Variants in CNTNAP2 observed in about 807,000 individuals in gnomAD.
CNTNAP2 encodes contactin associated protein 2, also known as contactin-associated protein-like 2.
CNTNAP2 carries 98 observed loss-of-function variants against 155.2 expected under a neutral mutation model. The observed-to-expected ratio is 0.63, with a 90% CI of 0.54 to 0.75. The LOEUF is 0.75. Among genes scored for constraint, CNTNAP2 ranks in the 30% least tolerant of loss-of-function variants. The pLI is 0.00. For missense variants in CNTNAP2, 1,727 were observed against 1,688.1 expected, an observed-to-expected ratio of 1.02 and a Z score of -0.40; for synonymous variants, 651 against 631.2, an observed-to-expected ratio of 1.03 and a Z score of -0.47.
At chr7:148,119,245 C>A (rs746622125) in intron 16 of CNTNAP2, among the ~76,000 whole-genome samples, 9 of 152,056 alleles carry the variant, frequency 5.9e-5, no homozygotes, top group Non-Finnish European at 1.2e-4. Flanking sequence ...CCCTTCCGGC[C>A]AGGCACGGTG....
chr7:146,993,495 A>G (rs540980225), intron 3 of CNTNAP2, among the ~76,000 whole-genome samples: 9 of 151,886 alleles, frequency 5.9e-5, no homozygotes, highest in African/African-American at 1.4e-4. Flanking sequence ...TTTTTTTTCT[A>G]TCTATTGGGA....
chr7:147,223,153 C>T (rs535392076), intron 8 of CNTNAP2, among the ~76,000 whole-genome samples: 2 of 152,168 alleles, frequency 1.3e-5, no homozygotes. Flanking sequence ...CTCTCAGACT[C>T]CTTCATACTT....
Position 148,416,305 on chromosome 7 carries a change from A to C in CNTNAP2, c.*689A>C, listed in dbSNP as rs1799988678. Reference sequence around the variant, plus strand: ...CACAACTGGAGAGAGGCATTAAAGAACCAGGGAAGGTAGTTTGATTTTTCA... The same window carrying C: ...CACAACTGGAGAGAGGCATTAAAGACCCAGGGAAGGTAGTTTGATTTTTCA... On this transcript the variant is annotated 3_prime_UTR_variant, in exon 24 of 24. Coordinates refer to ENST00000361727, the MANE Select transcript of CNTNAP2 (RefSeq NM_014141.6). The C allele has an allele frequency of 6.6e-6, 1 of 152,358 alleles. No homozygotes were observed. The highest frequency in any genetic ancestry group is 1.5e-5 in the Non-Finnish European group (1 of 68,176). The allele number at this position is 152,358 out of a possible 1,614,324, so 9.4% of individuals were successfully genotyped here.
intron 21 of CNTNAP2, among the ~76,000 whole-genome samples, chr7:148,381,211 C>T (rs574530781): frequency 4.6e-5 from 7 of 152,348 alleles, no homozygotes; most frequent in East Asian, 1.9e-4. Context: ...TGTCCCCAGA[C>T]AGCCTAAGTA....
intron 3 of CNTNAP2, among the ~76,000 whole-genome samples, chr7:146,949,510 C>A (rs1306092741): frequency 6.6e-6 from 1 of 152,106 alleles, no homozygotes; most frequent in Non-Finnish European, 1.5e-5. Context: ...GTCTTTTTTC[C>A]ATCACCATCC....
At chr7:147,392,313 C>CTTT (rs5888251) in intron 9 of CNTNAP2, among the ~76,000 whole-genome samples, 71 of 145,560 alleles carry the variant, frequency 4.9e-4, no homozygotes, top group Admixed American at 1.0e-3. Flanking sequence ...GTATCAAATT[C>CTTT]TTTTTTTTTT....
rs535691033 is a variant in CNTNAP2 at position 146,744,017 on chromosome 7, A to G, written c.98-30254A>G. Among the ~76,000 whole-genome samples, 18 of 152,188 alleles carry G rather than the reference A, an allele frequency of 1.2e-4. No individual in the cohort carries two copies. In the East Asian group the frequency reaches 2.7e-3, roughly 23 times the overall value. The stretch of plus-strand genomic sequence containing the variant: ...TGAAGCGGGCAGATCACTTGAGGTA[A>G]GGAGTTTGAGACCAGCCTTGCCAAC... On this transcript the variant is annotated intron_variant, in intron 1 of 23. Coordinates refer to ENST00000361727, the MANE Select transcript of CNTNAP2 (RefSeq NM_014141.6).
intron 10 of CNTNAP2, among the ~76,000 whole-genome samples, chr7:147,408,017 T>G (rs1203109689): frequency 6.6e-6 from 1 of 152,270 alleles, no homozygotes; most frequent in Non-Finnish European, 1.5e-5. Context: ...TGAAAAGATC[T>G]ATTTTTCATT....
intron 4 of CNTNAP2, among the ~76,000 whole-genome samples, chr7:147,083,563 T>TACATATATATATATGTATATATATATAC (rs1800188779): frequency 7.3e-6 from 1 of 136,176 alleles, no homozygotes; most frequent in African/African-American, 3.1e-5. Context: ...TATATATATA[T>TACATATATATATATGTATATATATATAC]ACACATATAT....
rs537377581 is a variant in CNTNAP2 at position 148,003,770 on chromosome 7, C to G, written c.2383+25781C>G. Reference sequence around the variant, plus strand: ...TTTATCCTCTTGTTTGATTAGTTTCCTTAGAAATAAATTTCATTCTTAGGG... The same window carrying G: ...TTTATCCTCTTGTTTGATTAGTTTCGTTAGAAATAAATTTCATTCTTAGGG... On this transcript the variant is annotated intron_variant, in intron 15 of 23. Transcript: ENST00000361727. 2.4e-4 allele frequency among the ~76,000 whole-genome samples: 37 copies of G among 152,246 alleles called. No individual in the cohort carries two copies. In the South Asian group the frequency reaches 7.7e-3, roughly 32 times the overall value.
At chr7:146,894,444 T>C (rs1795837340) in intron 3 of CNTNAP2, among the ~76,000 whole-genome samples, 1 of 152,172 alleles carries the variant, frequency 6.6e-6, no homozygotes, top group South Asian at 2.1e-4. Flanking sequence ...TGTTGTTGTT[T>C]TGTTTTTCTT....
In CNTNAP2 at chr7:148,409,387, A is replaced by G. The variant is rs772029165; in HGVS notation, c.3716-4A>G. 2 of 1,554,874 alleles carry G rather than the reference A, an allele frequency of 1.3e-6. No homozygotes were observed. Among genetic ancestry groups the G allele is most frequent in the East Asian group, 2.3e-5 (1 of 43,822 alleles). The stretch of plus-strand genomic sequence containing the variant: ...CTGACACTTGACTCTTTCTTTCTCT[A>G]CAGCCAGTGCGGATTTTCCATATAA... On this transcript the variant is annotated splice_polypyrimidine_tract_variant and splice_region_variant and intron_variant, in intron 22 of 23. Transcript: ENST00000361727.
intron 8 of CNTNAP2, among the ~76,000 whole-genome samples, chr7:147,272,538 G>T (rs933736498): frequency 1.3e-5 from 2 of 151,834 alleles, no homozygotes; most frequent in African/African-American, 2.4e-5. Context: ...CGGCTCTGTC[G>T]CCCAGGCTGG....
At chr7:148,244,983 C>T (rs1796228584) in intron 20 of CNTNAP2, among the ~76,000 whole-genome samples, 1 of 151,774 alleles carries the variant, frequency 6.6e-6, no homozygotes, top group African/African-American at 2.4e-5. Flanking sequence ...AAAATAAAAC[C>T]AATAAAATCA....
chr7:146,492,988 T>G (rs1281967864), intron 1 of CNTNAP2, among the ~76,000 whole-genome samples: 1 of 152,190 alleles, frequency 6.6e-6, no homozygotes, highest in Non-Finnish European at 1.5e-5. Flanking sequence ...TGTGATGTAA[T>G]GAATACTTGA....
intron 3 of CNTNAP2, among the ~76,000 whole-genome samples, chr7:147,009,251 A>G (rs1400975169): frequency 2.0e-5 from 3 of 152,100 alleles, no homozygotes; most frequent in Non-Finnish European, 4.4e-5. Context: ...TAATTCAAAA[A>G]CACTAAGGTC....
At chr7:147,083,552 ATATATATATATACACATATATATG>A (rs1563070309) in intron 4 of CNTNAP2, among the ~76,000 whole-genome samples, 2 of 127,712 alleles carry the variant, frequency 1.6e-5, no homozygotes, top group African/African-American at 3.8e-5. Context: ...ATATATATGT[ATATATATATATACACATATATATG>A]TATATATATA....
chr7:146,753,999 G>A (rs965405705), intron 1 of CNTNAP2, among the ~76,000 whole-genome samples: 1 of 151,902 alleles, frequency 6.6e-6, no homozygotes, highest in Admixed American at 6.6e-5. Context: ...TTCTTTTGTG[G>A]ACATGTAGAT....
At chr7:148,216,245 C>CCCT (rs2116755192) in intron 18 of CNTNAP2, among the ~76,000 whole-genome samples, 1 of 152,290 alleles carries the variant, frequency 6.6e-6, no homozygotes, top group Admixed American at 6.5e-5. Context: ...AAGGCTGATG[C>CCCT]AGGAAGGGTT....
Sources: gnomAD v4.1 joint callset for allele counts (sites outside exome capture counted in the v4.1 genomes callset) on GRCh38, gnomAD v4.1.1 for gene constraint, MANE v1.5 for transcripts, NCBI Gene and HGNC (gene_info 2026-07-23, HGNC 2026-07-21) for gene names.